DNAH11: variants seen among roughly 807,000 people sequenced by gnomAD.
DNAH11 encodes axonemal beta dynein heavy chain 11.
In DNAH11, 442 loss-of-function variants were observed where a neutral mutation model predicts 526.0. The ratio of observed to expected loss-of-function variants is 0.84; its 90% CI spans 0.78 to 0.91. The LOEUF (loss-of-function observed/expected upper bound fraction) is 0.91, where lower values mean the gene tolerates loss of function less well. DNAH11 is among the 40% of genes least tolerant of loss of function. The pLI is 0.00. For missense variants in DNAH11, 6,989 were observed against 5,448.7 expected (o/e 1.28, Z -8.90); for synonymous variants, 2,461 against 1,935.9 (o/e 1.27, Z -7.12).
intron 73 of DNAH11, among the ~76,000 whole-genome samples, chr7:21,872,534 A>G (rs1783543471): frequency 6.6e-6 from 1 of 152,196 alleles, no homozygotes. Context: ...GCCAGAGAAC[A>G]TGTAAGGTGC....
intron 28 of DNAH11, among the ~76,000 whole-genome samples, chr7:21,654,006 G>A (rs1297059644): frequency 6.6e-6 from 1 of 152,166 alleles, no homozygotes; most frequent in Non-Finnish European, 1.5e-5. Context: ...GTTTGTTACA[G>A]CAGTGGCGCC....
At chr7:21,648,250 C>T (rs541723792) in intron 28 of DNAH11, among the ~76,000 whole-genome samples, 69 of 152,278 alleles carry the variant, frequency 4.5e-4, no homozygotes, top group African/African-American at 1.5e-3. Context: ...AAGTACGTAA[C>T]GTACAATAAT....
At chr7:21,797,297 A>G (rs928017186) in intron 61 of DNAH11, among the ~76,000 whole-genome samples, 4 of 151,342 alleles carry the variant, frequency 2.6e-5, no homozygotes, top group Non-Finnish European at 5.9e-5. Flanking sequence ...TCAGCTCATT[A>G]CAACCTCCAC....
chr7:21,699,781 A>G (rs1783986588), intron 36 of DNAH11, among the ~76,000 whole-genome samples: 2 of 152,048 alleles, frequency 1.3e-5, no homozygotes, highest in Admixed American at 1.3e-4. Flanking sequence ...GTGGAGTTTC[A>G]ACTATATCTA....
intron 54 of DNAH11, among the ~76,000 whole-genome samples, chr7:21,759,113 A>G (rs1786773826): frequency 1.3e-5 from 2 of 152,242 alleles, no homozygotes; most frequent in Non-Finnish European, 2.9e-5. Flanking sequence ...GGTGACAAGC[A>G]TGGCAGCTGA....
At chr7:21,562,158 A>G (rs1010206836) in intron 5 of DNAH11, among the ~76,000 whole-genome samples, 1 of 152,204 alleles carries the variant, frequency 6.6e-6, no homozygotes, top group South Asian at 2.1e-4. Flanking sequence ...AAGAGTTGCT[A>G]TGTGGATTTA....
intron 68 of DNAH11, among the ~76,000 whole-genome samples, chr7:21,859,150 G>C (rs894764488): frequency 2.6e-5 from 4 of 151,868 alleles, no homozygotes; most frequent in South Asian, 2.1e-4. Context: ...GTCTCACTCT[G>C]TCACCCAGAC....
chr7:21,545,197 A>T (rs769222873), intron 2 of DNAH11, 48 bp downstream of exon 2: 1 of 1,470,902 alleles, frequency 6.8e-7, no homozygotes, highest in Admixed American at 2.1e-5. Flanking sequence ...TCTCCATGAC[A>T]TTTGAAATTA....
At chr7:21,637,892 T>G (rs767664007) in intron 27 of DNAH11, among the ~76,000 whole-genome samples, 190 bp downstream of exon 27, 9 of 152,144 alleles carry the variant, frequency 5.9e-5, no homozygotes, top group Non-Finnish European at 1.0e-4. Flanking sequence ...TTAATGTAAA[T>G]AAACCCAAAA....
chr7:21,581,934 G>A lies in DNAH11; in HGVS notation c.1623G>A (p.Lys541=). 6.2e-7 allele frequency: 1 copy of A among 1,612,342 alleles called. No homozygotes were observed. Among genetic ancestry groups the A allele is most frequent in the Non-Finnish European group, 8.5e-7 (1 of 1,179,028 alleles). The change falls in exon 9 of 82, where the codon AAG becomes AAA. Residue 541 remains lysine (K), a synonymous_variant. Transcript: ENST00000409508. Reference sequence around the variant, plus strand: ...TTGAAAGTGATTATGTGGCATTTAAGTCCAAAACTCTGGAATTTGACAGAA... The same window carrying A: ...TTGAAAGTGATTATGTGGCATTTAAATCCAAAACTCTGGAATTTGACAGAA... ...MEFESDYVAF[K]SKTLEFDRRL...
intron 81 of DNAH11, among the ~76,000 whole-genome samples, chr7:21,900,594 G>C (rs1169342655): frequency 6.6e-6 from 1 of 152,150 alleles, no homozygotes; most frequent in Non-Finnish European, 1.5e-5. Context: ...TTATTCCACA[G>C]GACACTTAGT....
intron 30 of DNAH11, among the ~76,000 whole-genome samples, chr7:21,659,943 T>C (rs1359714373): frequency 6.6e-6 from 1 of 152,116 alleles, no homozygotes; most frequent in Non-Finnish European, 1.5e-5. Context: ...CCAACTTATT[T>C]ATATTACTAA....
At chr7:21,874,397 A>G in intron 74 of DNAH11, among the ~76,000 whole-genome samples, 1 of 151,772 alleles carries the variant, frequency 6.6e-6, no homozygotes, top group South Asian at 2.1e-4. Flanking sequence ...GTGCAATGAC[A>G]TGATCTTGGC....
At chr7:21,892,289 A>G in intron 76 of DNAH11, 136 bp from the exon 77 acceptor site, 10 of 1,282,356 alleles carry the variant, frequency 7.8e-6, no homozygotes, top group Non-Finnish European at 1.1e-5. Context: ...GTTGATTATA[A>G]AACAGTTTAG....
Position 21,900,096 on chromosome 7 carries a change from T to TACCTCCACGGACTCTTCATGGAGGGTAAG in DNAH11, c.13282_13303+7dup. The TACCTCCACGGACTCTTCATGGAGGGTAAG allele has an allele frequency of 6.2e-7, 1 of 1,613,794 alleles. No individual in the cohort carries two copies. The highest frequency in any genetic ancestry group is 8.5e-7 in the Non-Finnish European group (1 of 1,179,816). ...TGGACACCCGCCAAGGGAAGGTGCATACCTCCACGGACTCTTCATGGAGGG... is the reference window on the plus strand; with the variant it reads ...TGGACACCCGCCAAGGGAAGGTGCATACCTCCACGGACTCTTCATGGAGGGTAAGACCTCCACGGACTCTTCATGGAGGG... On this transcript the variant is annotated frameshift_variant, in exon 81 of 82. Coordinates refer to ENST00000409508, the MANE Select transcript of DNAH11 (RefSeq NM_001277115.2). LOFTEE classifies it high-confidence loss of function.
chr7:21,817,519 CAAAAAAAAA>C lies in DNAH11; in HGVS notation c.10569-682_10569-674del, dbSNP rs10532841. 4.7e-4 allele frequency among the ~76,000 whole-genome samples: 41 copies of C among 86,436 alleles called. 1 individual carries two copies. The highest frequency in any genetic ancestry group is 0.013 in the Middle Eastern group (2 of 158). The allele number at this position is 86,436 out of a possible 152,430, so 56.7% of individuals were successfully genotyped here. A position where few individuals can be genotyped will look rare whatever the true frequency, so the allele number is the denominator to read the frequency against. ...GACATAGTGAGACCCCCATCTCTAC[CAAAAAAAAA>C]AAAAAAAAAAAAAAAGTTGCCAGGT... is the stretch of plus-strand genomic sequence containing the variant. On this transcript the variant is annotated intron_variant, in intron 64 of 81. Transcript: ENST00000409508.
intron 28 of DNAH11, among the ~76,000 whole-genome samples, chr7:21,654,170 A>G (rs1457547969): frequency 1.3e-5 from 2 of 152,128 alleles, no homozygotes; most frequent in Non-Finnish European, 2.9e-5. Flanking sequence ...ACCACCTTTT[A>G]TCTAATTCCA....
At chr7:21,829,746 T>C (rs1790465394) in intron 65 of DNAH11, among the ~76,000 whole-genome samples, 3 of 152,336 alleles carry the variant, frequency 2.0e-5, no homozygotes, top group South Asian at 2.1e-4. Flanking sequence ...CGTTTTCAGA[T>C]GAAGATTTTA....
At chr7:21,814,163 G>T (rs1789662390) in intron 63 of DNAH11, among the ~76,000 whole-genome samples, 1 of 152,018 alleles carries the variant, frequency 6.6e-6, no homozygotes, top group African/African-American at 2.4e-5. Context: ...AAAAAATATA[G>T]CATAAAAGAC....
Sources: gnomAD v4.1 joint callset for allele counts (sites outside exome capture counted in the v4.1 genomes callset) on GRCh38, gnomAD v4.1.1 for gene constraint, MANE v1.5 for transcripts, NCBI Gene and HGNC (gene_info 2026-07-23, HGNC 2026-07-21) for gene names.